The following TBC1D32 variants were observed in gnomAD, a reference collection of about 807,000 sequenced individuals.
TBC1D32 encodes TBC1 domain family member 32.
In TBC1D32, 151 loss-of-function variants were observed where a neutral mutation model predicts 170.3. The observed-to-expected ratio is 0.89, with a 90% CI of 0.78 to 1.01. TBC1D32 has a LOEUF of 1.01. TBC1D32 is among the 50% of genes least tolerant of loss of function. The pLI is 0.00. For missense variants in TBC1D32, 1,464 were observed against 1,457.1 expected, an observed-to-expected ratio of 1.00 and a Z score of -0.08; for synonymous variants, 498 against 488.0, an observed-to-expected ratio of 1.02 and a Z score of -0.27.
intron 26 of TBC1D32, among the ~76,000 whole-genome samples, chr6:121,119,286 T>C (rs1358635859): frequency 6.6e-6 from 1 of 152,210 alleles, no homozygotes; most frequent in Non-Finnish European, 1.5e-5. Flanking sequence ...TTTAGGTATA[T>C]GTCCTATTTT....
chr6:121,102,370 G>A lies in TBC1D32; in HGVS notation c.3465+3653C>T, dbSNP rs984709815. On this transcript the variant is annotated intron_variant, in intron 30 of 31. Coordinates refer to ENST00000398212, the MANE Select transcript of TBC1D32 (RefSeq NM_152730.6). ...AAGGCTACAGTAACCAAAACAGCAT[G>A]GTACTGGTACCAAAACAGAGACACA... 3.9e-4 allele frequency among the ~76,000 whole-genome samples: 59 copies of A among 152,206 alleles called. 1 individual carries two copies. Among genetic ancestry groups the A allele is most frequent in the African/African-American group, 1.4e-3 (58 of 41,532 alleles).
intron 12 of TBC1D32, among the ~76,000 whole-genome samples, chr6:121,288,531 AG>A (rs1373856702): frequency 6.6e-6 from 1 of 152,202 alleles, no homozygotes; most frequent in Non-Finnish European, 1.5e-5. Context: ...AACCAAAAAA[AG>A]TCCAGGACCA....
At chr6:121,266,961 T>C (rs1800586967) in intron 15 of TBC1D32, among the ~76,000 whole-genome samples, 1 of 151,122 alleles carries the variant, frequency 6.6e-6, no homozygotes. Flanking sequence ...AGATAATGCA[T>C]GCAGGGCTTA....
intron 24 of TBC1D32, among the ~76,000 whole-genome samples, chr6:121,138,220 C>T (rs1453235902): frequency 6.6e-6 from 1 of 152,088 alleles, no homozygotes; most frequent in Non-Finnish European, 1.5e-5. Flanking sequence ...GTGTGAACAA[C>T]TGTGGATTAA....
At chr6:121,160,399 A>C (rs187983726) in intron 23 of TBC1D32, among the ~76,000 whole-genome samples, 10 of 151,336 alleles carry the variant, frequency 6.6e-5, no homozygotes, top group African/African-American at 2.4e-4. Flanking sequence ...TAAAAGGAAA[A>C]TTGTAATCTT....
intron 15 of TBC1D32, among the ~76,000 whole-genome samples, chr6:121,273,736 A>G (rs1801826878): frequency 6.6e-6 from 1 of 152,130 alleles, no homozygotes; most frequent in African/African-American, 2.4e-5. Context: ...ATAGTGAACT[A>G]TAACCTTGAT....
chr6:121,241,093 T>G (rs1796928519), intron 19 of TBC1D32, among the ~76,000 whole-genome samples: 1 of 152,100 alleles, frequency 6.6e-6, no homozygotes, highest in South Asian at 2.1e-4. Flanking sequence ...TGTAAGCCAC[T>G]GACAATAAGC....
chr6:121,209,876 T>C (rs1196886729), intron 21 of TBC1D32, among the ~76,000 whole-genome samples: 1 of 152,138 alleles, frequency 6.6e-6, no homozygotes, highest in African/African-American at 2.4e-5. Flanking sequence ...TGTCCGTGCT[T>C]TTTCTGAAAG....
intron 31 of TBC1D32, 103 bp downstream of exon 31, chr6:121,090,750 T>C (rs1776719881): frequency 3.9e-6 from 4 of 1,028,326 alleles, no homozygotes; most frequent in Non-Finnish European, 5.8e-6. Context: ...CCTCTCACCA[T>C]TGGTTTTTAG....
intron 15 of TBC1D32, among the ~76,000 whole-genome samples, chr6:121,256,530 C>A (rs905476767): frequency 6.6e-6 from 1 of 152,118 alleles, no homozygotes; most frequent in African/African-American, 2.4e-5. Flanking sequence ...AGATTATAGA[C>A]GCATTGAGAC....
Position 121,308,686 on chromosome 6 carries a change from C to CTTTTTTTT in TBC1D32, c.565-593_565-586dup, listed in dbSNP as rs67847088. On this transcript the variant is annotated intron_variant, in intron 4 of 31. Coordinates refer to ENST00000398212, the MANE Select transcript of TBC1D32 (RefSeq NM_152730.6). ...CTGTATTTTCACAGAAAGCTTACTT[C>CTTTTTTTT]TTTTTTTTTTTTTTTTTTTTGAGAC... Among the ~76,000 whole-genome samples the CTTTTTTTT allele has an allele frequency of 5.5e-3, 621 of 112,324 alleles. 17 individuals are homozygous for CTTTTTTTT. The highest frequency in any genetic ancestry group is 0.019 in the East Asian group (63 of 3,246). 73.7% of individuals were successfully genotyped at this position (112,324 alleles called of 152,430 possible).
At chr6:121,107,328 G>C (rs1476285815) in intron 29 of TBC1D32, among the ~76,000 whole-genome samples, 2 of 151,720 alleles carry the variant, frequency 1.3e-5, no homozygotes, top group African/African-American at 2.4e-5. Context: ...TGGTTTTTCG[G>C]TTTTATCATT....
chr6:121,190,677 A>G (rs980255826), intron 22 of TBC1D32, among the ~76,000 whole-genome samples: 2 of 152,158 alleles, frequency 1.3e-5, no homozygotes, highest in Non-Finnish European at 2.9e-5. Flanking sequence ...CCCAAACCAA[A>G]TCTCACCAGA....
At chr6:121,091,089 C>T (rs1360216460) in intron 30 of TBC1D32, 48 bp from the exon 31 acceptor site, 5 of 1,463,952 alleles carry the variant, frequency 3.4e-6, no homozygotes, top group Non-Finnish European at 3.7e-6. Flanking sequence ...TATAAAACCA[C>T]ATTTGACTTT....
chr6:121,334,713 A>C, upstream of TBC1D32: 1 of 444,284 alleles, frequency 2.3e-6, no homozygotes, highest in Non-Finnish European at 4.1e-6. Flanking sequence ...ACTAACAACA[A>C]AAGAGACATC....
intron 15 of TBC1D32, among the ~76,000 whole-genome samples, chr6:121,266,643 CAA>C (rs1800524706): frequency 6.6e-6 from 1 of 152,048 alleles, no homozygotes; most frequent in Admixed American, 6.6e-5. Flanking sequence ...TTCACAATAG[CAA>C]AGATGTGGAA....
chr6:121,300,674 C>A lies in TBC1D32; in HGVS notation c.1081-1169G>T, dbSNP rs1806326179. On this transcript the variant is annotated intron_variant, in intron 9 of 31. Coordinates refer to ENST00000398212, the MANE Select transcript of TBC1D32 (RefSeq NM_152730.6). ...ACACCAAAAGCAATGACAACAAAAG[C>A]CAAAATTGACAAATGGGACCTGATT... 3.3e-5 allele frequency among the ~76,000 whole-genome samples: 5 copies of A among 151,974 alleles called. No individual in the cohort carries two copies. In the South Asian group the frequency reaches 1.0e-3, roughly 32 times the overall value.
intron 29 of TBC1D32, among the ~76,000 whole-genome samples, chr6:121,108,621 G>C (rs1778921759): frequency 6.6e-6 from 1 of 151,676 alleles, no homozygotes; most frequent in Non-Finnish European, 1.5e-5. Flanking sequence ...TCAGAATACT[G>C]TATATTACTT....
chr6:121,121,975 A>G (rs1201721355), intron 26 of TBC1D32, among the ~76,000 whole-genome samples: 5 of 152,046 alleles, frequency 3.3e-5, no homozygotes, highest in Non-Finnish European at 5.9e-5. Context: ...CAGAATGTAT[A>G]AAGCATATTT....
Sources: allele counts gnomAD v4.1 joint callset (sites outside exome capture counted in the v4.1 genomes callset), GRCh38; gene constraint gnomAD v4.1.1; transcripts MANE v1.5; gene names NCBI Gene and HGNC (gene_info 2026-07-23, HGNC 2026-07-21).